Variants in CTNNBL1 observed in about 807,000 individuals in gnomAD.
The protein encoded by CTNNBL1 is catenin beta like 1.
A neutral mutation model predicts 72.7 loss-of-function variants in CTNNBL1; 31 were observed. The observed-to-expected ratio is 0.43, with a 90% CI of 0.32 to 0.58. The LOEUF is 0.58. CTNNBL1 is among the 20% of genes least tolerant of loss of function. The pLI is 0.08. For missense variants in CTNNBL1, 534 were observed against 725.1 expected (o/e 0.74, Z 3.03); for synonymous variants, 240 against 267.3 (o/e 0.90, Z 1.00).
intron 1 of CTNNBL1, among the ~76,000 whole-genome samples, chr20:37,720,092 A>G (rs1425164749): frequency 1.3e-5 from 2 of 152,028 alleles, no homozygotes; most frequent in Non-Finnish European, 2.9e-5. Context: ...CAGTGGCGCA[A>G]TCTCGGCTCA....
At chr20:37,737,163 G>A (rs1471219057) in intron 2 of CTNNBL1, among the ~76,000 whole-genome samples, 1 of 152,120 alleles carries the variant, frequency 6.6e-6, no homozygotes, top group African/African-American at 2.4e-5. Context: ...GGCAGAGATT[G>A]CAGTGAGCTG....
chr20:37,845,043 C>G (rs916851299), intron 13 of CTNNBL1, among the ~76,000 whole-genome samples: 1 of 152,184 alleles, frequency 6.6e-6, no homozygotes, highest in Non-Finnish European at 1.5e-5. Context: ...AAGCTCCCGC[C>G]GCTGCTGCTG....
chr20:37,825,491 G>A (rs547688979), intron 11 of CTNNBL1, among the ~76,000 whole-genome samples: 17 of 151,572 alleles, frequency 1.1e-4, no homozygotes, highest in South Asian at 2.1e-4. Flanking sequence ...CCTGCCCAAC[G>A]TGGTGAAACC....
At chr20:37,728,037 A>G (rs1375857972) in intron 1 of CTNNBL1, among the ~76,000 whole-genome samples, 1 of 152,224 alleles carries the variant, frequency 6.6e-6, no homozygotes, top group African/African-American at 2.4e-5. Context: ...TTTTGCGTCC[A>G]TATTTCACTC....
At chr20:37,728,805 GTCA>G (rs905211738) in intron 1 of CTNNBL1, among the ~76,000 whole-genome samples, 3 of 152,214 alleles carry the variant, frequency 2.0e-5, no homozygotes, top group African/African-American at 7.2e-5. Context: ...CTGCCATAGA[GTCA>G]TCATGAGGAG....
At chr20:37,827,816 A>G (rs1473891542) in intron 11 of CTNNBL1, among the ~76,000 whole-genome samples, 1 of 152,156 alleles carries the variant, frequency 6.6e-6, no homozygotes, top group African/African-American at 2.4e-5. Context: ...TCCATCAACC[A>G]TCATGCAGGG....
chr20:37,811,401 T>C (rs1399196853), intron 11 of CTNNBL1, among the ~76,000 whole-genome samples: 1 of 152,236 alleles, frequency 6.6e-6, no homozygotes, highest in Non-Finnish European at 1.5e-5. Flanking sequence ...CTAGCAGCAG[T>C]TTATGTTAAA....
At chr20:37,759,169 A>G (rs1016048192) in intron 5 of CTNNBL1, among the ~76,000 whole-genome samples, 1 of 152,174 alleles carries the variant, frequency 6.6e-6, no homozygotes, top group African/African-American at 2.4e-5. Flanking sequence ...AATTCAGGGC[A>G]TTTATTTTTC....
chr20:37,795,741 A>G (rs1455555836), intron 10 of CTNNBL1, among the ~76,000 whole-genome samples: 2 of 151,750 alleles, frequency 1.3e-5, no homozygotes, highest in African/African-American at 4.8e-5. Context: ...AATTGTAGTT[A>G]TAATTATGCT....
intron 13 of CTNNBL1, among the ~76,000 whole-genome samples, chr20:37,848,577 C>CAAA (rs1377578784): frequency 3.3e-5 from 5 of 152,208 alleles, no homozygotes; most frequent in African/African-American, 1.2e-4. Context: ...CGTGCTTTTA[C>CAAA]CTCTCTAATA....
At position 37,777,677 on chromosome 20, in the gene CTNNBL1, C is replaced by A. The variant is rs764287137; in HGVS notation, c.847C>A (p.Leu283Met). The change falls in exon 9 of 16, where the codon CTG becomes ATG. Residue 283 changes from leucine to methionine, a missense_variant. Physicochemically the swap from Leu to Met is conservative, Grantham distance 15. Transcript: ENST00000361383. Reference protein sequence around the residue: ...NDENRELLGELDGIDVLLQQL... With the variant: ...NDENRELLGEMDGIDVLLQQL... The stretch of plus-strand genomic sequence containing the variant: ...AGAAAACAGGGAATTGCTTGGGGAG[C>A]TGGATGGAATCGATGTGCTTCTTCA... The A allele has an allele frequency of 4.3e-6, 7 of 1,613,636 alleles. No individual in the cohort carries two copies. The highest frequency in any genetic ancestry group is 4.2e-6 in the Non-Finnish European group (5 of 1,179,678).
intron 3 of CTNNBL1, among the ~76,000 whole-genome samples, chr20:37,739,143 A>C (rs1467269377): frequency 6.6e-6 from 1 of 151,814 alleles, no homozygotes; most frequent in Non-Finnish European, 1.5e-5. Context: ...GCATGAATAG[A>C]TTGTCATTCT....
At chr20:37,817,723 A>G (rs1055797774) in intron 11 of CTNNBL1, among the ~76,000 whole-genome samples, 3 of 152,324 alleles carry the variant, frequency 2.0e-5, no homozygotes, top group Non-Finnish European at 2.9e-5. Context: ...GTGTATTTCT[A>G]ACCAGCCCCC....
chr20:37,863,348 G>C (rs2072508207), intron 15 of CTNNBL1, among the ~76,000 whole-genome samples: 1 of 152,186 alleles, frequency 6.6e-6, no homozygotes, highest in Non-Finnish European at 1.5e-5. Flanking sequence ...GATACTAAAG[G>C]AATAAGCGAG....
chr20:37,768,097 G>A, intron 7 of CTNNBL1, 53 bp downstream of exon 7: 3 of 1,443,880 alleles, frequency 2.1e-6, no homozygotes, highest in Non-Finnish European at 2.9e-6. Context: ...CTCTGGGCTT[G>A]ATTGATGCTG....
chr20:37,826,203 T>C (rs2072158288), intron 11 of CTNNBL1, among the ~76,000 whole-genome samples: 1 of 152,232 alleles, frequency 6.6e-6, no homozygotes, highest in Admixed American at 6.5e-5. Context: ...GCATACATAC[T>C]CACTTCTTGC....
At chr20:37,725,958 TG>T (rs1353931653) in intron 1 of CTNNBL1, among the ~76,000 whole-genome samples, 3 of 152,080 alleles carry the variant, frequency 2.0e-5, no homozygotes, top group African/African-American at 7.2e-5. Context: ...CATTCCAGCC[TG>T]GGTGACAGAG....
At chr20:37,823,258 T>C (rs1466657834) in intron 11 of CTNNBL1, among the ~76,000 whole-genome samples, 11 of 152,240 alleles carry the variant, frequency 7.2e-5, no homozygotes. Flanking sequence ...TTTGTTAGTC[T>C]GAGACTAGAA....
chr20:37,772,316 G>A (rs1334101328), intron 7 of CTNNBL1, among the ~76,000 whole-genome samples: 2 of 152,166 alleles, frequency 1.3e-5, no homozygotes, highest in Non-Finnish European at 2.9e-5. Flanking sequence ...CAAAGTTGGA[G>A]TGGAGCCTGG....
Sources: allele counts gnomAD v4.1 joint callset (sites outside exome capture counted in the v4.1 genomes callset), GRCh38; gene constraint gnomAD v4.1.1; transcripts MANE v1.5; gene names NCBI Gene and HGNC (gene_info 2026-07-23, HGNC 2026-07-21).